KCNIP4: variants seen among roughly 807,000 people sequenced by gnomAD.
KCNIP4 encodes potassium voltage-gated channel interacting protein 4.
In KCNIP4, 12 loss-of-function variants were observed where a neutral mutation model predicts 34.0. The ratio of observed to expected loss-of-function variants is 0.35; its 90% CI spans 0.23 to 0.57. KCNIP4 has a LOEUF of 0.57. Ranked by LOEUF, KCNIP4 falls within the 20% of genes least tolerant of loss-of-function variation. The probability of loss-of-function intolerance (pLI) is 0.83; values close to 1 mark genes in which losing one functional copy is unlikely to be tolerated. For missense variants in KCNIP4, 238 were observed against 311.7 expected, an observed-to-expected ratio of 0.76 and a Z score of 1.78; for synonymous variants, 124 against 102.2, an observed-to-expected ratio of 1.21 and a Z score of -1.29.
chr4:21,136,285 G>A (rs1351020744), intron 1 of KCNIP4, among the ~76,000 whole-genome samples: 1 of 152,134 alleles, frequency 6.6e-6, no homozygotes, highest in Non-Finnish European at 1.5e-5. Context: ...TGACTTGCCT[G>A]AAGAACAAAT....
chr4:20,757,757 C>T (rs1754603489), intron 4 of KCNIP4, among the ~76,000 whole-genome samples: 1 of 152,046 alleles, frequency 6.6e-6, no homozygotes, highest in Non-Finnish European at 1.5e-5. Context: ...CCTTAGTTTC[C>T]ACGTGTGTAT....
intron 1 of KCNIP4, among the ~76,000 whole-genome samples, chr4:21,728,819 C>A (rs1715385895): frequency 6.6e-6 from 1 of 152,088 alleles, no homozygotes; most frequent in Non-Finnish European, 1.5e-5. Flanking sequence ...TCTTACCACC[C>A]CTCAAATCTT....
intron 1 of KCNIP4, among the ~76,000 whole-genome samples, chr4:21,239,557 T>TG (rs1759639887): frequency 6.6e-6 from 1 of 151,896 alleles, no homozygotes. Flanking sequence ...CATCAAAAAG[T>TG]GGGGAAGGAT....
At chr4:21,514,281 A>G (rs1057030383) in intron 1 of KCNIP4, among the ~76,000 whole-genome samples, 7 of 152,344 alleles carry the variant, frequency 4.6e-5, no homozygotes, top group Non-Finnish European at 4.4e-5. Flanking sequence ...TGACAGTAAC[A>G]TGATGTCTTT....
chr4:20,999,424 TTTGTTTGTTTTTTG>T lies in KCNIP4; in HGVS notation c.62-116729_62-116716del, dbSNP rs1436978277. On this transcript the variant is annotated intron_variant, in intron 1 of 8. Transcript: ENST00000382152. ...TTTTGTTGTGGTGGTGTTTTTTTTT[TTTGTTTGTTTTTTG>T]TTTTTTTTTTTTTTTTTTATCTTGA... Among the ~76,000 whole-genome samples the T allele has an allele frequency of 3.9e-3, 147 of 38,046 alleles. 6 individuals carry two copies. The highest frequency in any genetic ancestry group is 0.018 in the African/African-American group (126 of 7,104). 25.0% of individuals were successfully genotyped at this position (38,046 alleles called of 152,430 possible). A position where few individuals can be genotyped will look rare whatever the true frequency, so the allele number is the denominator to read the frequency against.
At chr4:21,768,046 G>A (rs924589344) in intron 1 of KCNIP4, among the ~76,000 whole-genome samples, 1 of 151,876 alleles carries the variant, frequency 6.6e-6, no homozygotes, top group African/African-American at 2.4e-5. Context: ...TTCCTTAAAG[G>A]GAAATTGACA....
intron 1 of KCNIP4, among the ~76,000 whole-genome samples, chr4:21,707,384 A>T (rs959643503): frequency 6.6e-6 from 1 of 152,040 alleles, no homozygotes; most frequent in African/African-American, 2.4e-5. Flanking sequence ...AAGAAGTGAA[A>T]TTTTTTCTAG....
chr4:21,715,167 G>A (rs78291412), intron 1 of KCNIP4, among the ~76,000 whole-genome samples: 16 of 150,478 alleles, frequency 1.1e-4, no homozygotes, highest in Admixed American at 8.0e-4. Context: ...TGCAAGCTCC[G>A]CCTCCCGGGT....
intron 1 of KCNIP4, among the ~76,000 whole-genome samples, chr4:21,664,038 T>C (rs1342869639): frequency 1.3e-5 from 2 of 152,124 alleles, no homozygotes; most frequent in Non-Finnish European, 2.9e-5. Context: ...TCTGCCTCCC[T>C]GGCTCAAGTG....
intron 1 of KCNIP4, among the ~76,000 whole-genome samples, chr4:21,415,904 T>C (rs563494242): frequency 1.4e-3 from 209 of 152,052 alleles, no homozygotes; most frequent in African/African-American, 4.7e-3. Context: ...GGGAAAGATA[T>C]GGGATGATAA....
At chr4:21,270,844 A>G (rs1294670838) in intron 1 of KCNIP4, among the ~76,000 whole-genome samples, 2 of 152,148 alleles carry the variant, frequency 1.3e-5, no homozygotes, top group East Asian at 1.9e-4. Context: ...AAAATTAGCC[A>G]GGAATGTGGT....
intron 1 of KCNIP4, among the ~76,000 whole-genome samples, chr4:21,154,842 T>C (rs1272381303): frequency 1.3e-5 from 2 of 152,300 alleles, no homozygotes; most frequent in South Asian, 2.1e-4. Flanking sequence ...GTAAGCATAA[T>C]GGCTGGAGCT....
intron 1 of KCNIP4, among the ~76,000 whole-genome samples, chr4:21,322,037 G>A (rs1250352555): frequency 7.0e-6 from 1 of 142,836 alleles, no homozygotes; most frequent in African/African-American, 2.6e-5. Context: ...CAGAGGCAGG[G>A]GAGGAAGGAA....
At chr4:21,562,058 TCTA>T (rs768580286) in intron 1 of KCNIP4, among the ~76,000 whole-genome samples, 144 of 152,042 alleles carry the variant, frequency 9.5e-4, no homozygotes, top group Non-Finnish European at 1.5e-3. Context: ...CCTCTGGTCA[TCTA>T]CTGTGGATCT....
intron 1 of KCNIP4, among the ~76,000 whole-genome samples, chr4:21,005,638 G>A (rs1384248993): frequency 2.0e-5 from 3 of 151,978 alleles, no homozygotes; most frequent in Non-Finnish European, 4.4e-5. Context: ...AATTATGCTG[G>A]ACAGTAGGAC....
chr4:21,922,454 T>C (rs972374158), intron 1 of KCNIP4, among the ~76,000 whole-genome samples: 1 of 152,228 alleles, frequency 6.6e-6, no homozygotes, highest in Non-Finnish European at 1.5e-5. Context: ...CTTCCTAAAA[T>C]TCCCTTAGCT....
At chr4:21,544,182 C>T (rs577616134) in intron 1 of KCNIP4, among the ~76,000 whole-genome samples, 2 of 152,150 alleles carry the variant, frequency 1.3e-5, no homozygotes, top group South Asian at 2.1e-4. Flanking sequence ...TTCAGGCTGA[C>T]ATAGCATTGA....
At position 20,936,209 on chromosome 4, in the gene KCNIP4, A is replaced by G. The variant is rs181671919; in HGVS notation, c.62-53500T>C. Among the ~76,000 whole-genome samples the G allele has an allele frequency of 9.0e-4, 137 of 152,274 alleles. 4 individuals are homozygous for G. The highest frequency in any genetic ancestry group is 5.3e-3 in the Admixed American group (81 of 15,296). On this transcript the variant is annotated intron_variant, in intron 1 of 8. Transcript: ENST00000382152. ...TCATAGAAGACAAAGTGGTGGTGAAAGCAAAGGGGCTGTCTGTCATAAAGT... is the reference window on the plus strand; with the variant it reads ...TCATAGAAGACAAAGTGGTGGTGAAGGCAAAGGGGCTGTCTGTCATAAAGT...
intron 8 of KCNIP4, among the ~76,000 whole-genome samples, chr4:20,730,905 A>G (rs894958127): frequency 2.0e-5 from 3 of 152,114 alleles, no homozygotes; most frequent in Non-Finnish European, 2.9e-5. Context: ...ACCAAGTAAC[A>G]TCACCGTCAA....
Sources: gnomAD v4.1 joint callset for allele counts (sites outside exome capture counted in the v4.1 genomes callset) on GRCh38, gnomAD v4.1.1 for gene constraint, MANE v1.5 for transcripts, NCBI Gene and HGNC (gene_info 2026-07-23, HGNC 2026-07-21) for gene names.